The following MMP16 variants were observed in gnomAD, a reference collection of about 807,000 sequenced individuals.
MMP16 encodes matrix metalloproteinase-16.
Under a neutral mutation model 67.8 loss-of-function variants are expected in MMP16, and 12 were observed. The ratio of observed to expected loss-of-function variants is 0.18; its 90% CI spans 0.11 to 0.29. MMP16 has a LOEUF of 0.29. Among genes scored for constraint, MMP16 ranks in the 10% least tolerant of loss-of-function variants. MMP16 has a pLI of 1.00. For synonymous variants in MMP16, 249 were observed against 255.9 expected, an observed-to-expected ratio of 0.97 and a Z score of 0.26; for missense variants, 475 against 765.7, an observed-to-expected ratio of 0.62 and a Z score of 4.48.
intron 7 of MMP16, among the ~76,000 whole-genome samples, chr8:88,061,309 A>G (rs1486463709): frequency 2.0e-5 from 3 of 152,038 alleles, no homozygotes; most frequent in African/African-American, 7.2e-5. Flanking sequence ...ACAATAGAAG[A>G]AAGAGAAAGA....
At chr8:88,112,974 C>T (rs1243546276) in intron 6 of MMP16, among the ~76,000 whole-genome samples, 2 of 151,862 alleles carry the variant, frequency 1.3e-5, no homozygotes, top group Admixed American at 1.3e-4. Flanking sequence ...TCATTGAAAT[C>T]TTTGGGCAAG....
intron 1 of MMP16, among the ~76,000 whole-genome samples, chr8:88,218,652 T>G (rs557434191): frequency 1.4e-4 from 22 of 151,968 alleles, no homozygotes; most frequent in African/African-American, 5.3e-4. Context: ...AAAAATGAAA[T>G]AAACATTGGC....
At chr8:88,272,621 C>G (rs1810581532) in intron 1 of MMP16, among the ~76,000 whole-genome samples, 1 of 152,236 alleles carries the variant, frequency 6.6e-6, no homozygotes, top group African/African-American at 2.4e-5. Context: ...TAAATGTGAT[C>G]ACATAACTAG....
Position 88,116,676 on chromosome 8 carries a change from G to A in MMP16, c.914C>T (p.Thr305Ile). 1 of 1,613,776 alleles carries A rather than the reference G, an allele frequency of 6.2e-7. No individual in the cohort carries two copies. The highest frequency in any genetic ancestry group is 8.5e-7 in the Non-Finnish European group (1 of 1,179,844). ...AGGAATAGAGCGGTGTGGGGGCACT[G>A]TCGGTAGAGGTCTTGTAGGTGGAGG... ...KIPPPTRPLP[T>I]VPPHRSIPPA... Residue 305 changes from threonine to isoleucine, a missense_variant, in exon 6 of 10, where the codon ACA becomes ATA. Thr to Ile is a moderately conservative substitution (Grantham distance 89). Transcript: ENST00000286614.
At chr8:88,186,349 T>C (rs1015456595) in intron 3 of MMP16, 127 bp downstream of exon 3, 3 of 1,258,702 alleles carry the variant, frequency 2.4e-6, no homozygotes, top group Non-Finnish European at 3.3e-6. Context: ...ATTTTAAATC[T>C]CTTATGTTAA....
intron 6 of MMP16, among the ~76,000 whole-genome samples, chr8:88,106,460 A>G (rs1809243478): frequency 1.3e-5 from 2 of 151,274 alleles, no homozygotes; most frequent in Admixed American, 6.6e-5. Context: ...AAATGCTGAA[A>G]TGACTGTTTA....
chr8:88,178,324 G>C (rs1018804834), intron 3 of MMP16, among the ~76,000 whole-genome samples: 1 of 152,058 alleles, frequency 6.6e-6, no homozygotes, highest in Non-Finnish European at 1.5e-5. Context: ...GAAAAAAGTA[G>C]ACAACATAAA....
chr8:88,039,709 T>C lies in MMP16; in HGVS notation c.*1752A>G, dbSNP rs748983440. The C allele has an allele frequency of 1.3e-5, 2 of 152,658 alleles. No individual in the cohort carries two copies. The highest frequency in any genetic ancestry group is 2.9e-5 in the Non-Finnish European group (2 of 68,046). 9.5% of individuals were successfully genotyped at this position (152,658 alleles called of 1,614,324 possible). ...TCTGACTCATGGGGTGCATTCATTC[T>C]GACCATCTCTAATAAGTTCACAGCC... On this transcript the variant is annotated 3_prime_UTR_variant, in exon 10 of 10. Coordinates refer to ENST00000286614, the MANE Select transcript of MMP16 (RefSeq NM_005941.5). The surrounding 1 kb of genome is among the most constrained non-coding windows in gnomAD (Gnocchi z 4.5).
intron 4 of MMP16, among the ~76,000 whole-genome samples, chr8:88,128,547 T>C (rs1807973765): frequency 6.6e-6 from 1 of 151,716 alleles, no homozygotes; most frequent in South Asian, 2.1e-4. Flanking sequence ...CAGATGTACA[T>C]ATTATCGCAG....
chr8:88,135,565 C>T (rs1040128470), intron 4 of MMP16, among the ~76,000 whole-genome samples: 1 of 151,624 alleles, frequency 6.6e-6, no homozygotes, highest in African/African-American at 2.4e-5. Flanking sequence ...ATCAAAATGC[C>T]TGTGTAAGAA....
At chr8:88,180,651 G>C (rs1162141651) in intron 3 of MMP16, among the ~76,000 whole-genome samples, 1 of 150,932 alleles carries the variant, frequency 6.6e-6, no homozygotes, top group Non-Finnish European at 1.5e-5. Context: ...TGATAGAACT[G>C]CAAAAAAAAA....
chr8:88,137,312 C>G (rs149506460), intron 4 of MMP16, among the ~76,000 whole-genome samples: 12 of 151,886 alleles, frequency 7.9e-5, no homozygotes, highest in South Asian at 2.1e-4. Flanking sequence ...ACTCCTCCCC[C>G]CCAAAACCCA....
At position 88,327,307 on chromosome 8, in the gene MMP16, T is replaced by C; in HGVS notation, c.-101A>G. On this transcript the variant is annotated 5_prime_UTR_variant, in exon 1 of 10. Transcript: ENST00000286614. ...TCCTTTCAAAAAAAAGTCCTCCGGG[T>C]GGGTAAGGAGCCTGCAGGTTCACCC... The C allele has an allele frequency of 6.6e-7, 1 of 1,519,526 alleles. No individual in the cohort carries two copies. Among genetic ancestry groups the C allele is most frequent in the African/African-American group, 1.4e-5 (1 of 72,458 alleles). 94.1% of individuals were successfully genotyped at this position (1,519,526 alleles called of 1,614,324 possible).
Position 88,325,148 on chromosome 8 carries a change from A to T in MMP16, c.132+1927T>A, listed in dbSNP as rs184835528. Among the ~76,000 whole-genome samples the T allele has an allele frequency of 2.0e-5, 3 of 152,310 alleles. No individual in the cohort carries two copies. In the East Asian group the frequency reaches 5.8e-4, roughly 29 times the overall value. The stretch of plus-strand genomic sequence containing the variant: ...CTCCATAAACCATTTTTCCCCACAC[A>T]TCTTAATGAAGAAAGAGAAGGGGTC... On this transcript the variant is annotated intron_variant, in intron 1 of 9. Transcript: ENST00000286614.
intron 4 of MMP16, among the ~76,000 whole-genome samples, chr8:88,156,037 A>G (rs956607624): frequency 6.6e-6 from 1 of 152,172 alleles, no homozygotes; most frequent in Non-Finnish European, 1.5e-5. Context: ...TGAGTTAAAT[A>G]CACAAAATTA....
At chr8:88,094,178 T>C (rs187388843) in intron 6 of MMP16, among the ~76,000 whole-genome samples, 2 of 151,936 alleles carry the variant, frequency 1.3e-5, no homozygotes, top group East Asian at 1.9e-4. Flanking sequence ...TTTCTTTTTT[T>C]CCAAACATGC....
intron 1 of MMP16, among the ~76,000 whole-genome samples, chr8:88,242,301 G>C (rs987395908): frequency 6.6e-6 from 1 of 151,802 alleles, no homozygotes; most frequent in African/African-American, 2.4e-5. Context: ...TTTTACCTTT[G>C]TTTCCTAACA....
chr8:88,155,636 T>C (rs2129661250), intron 4 of MMP16, among the ~76,000 whole-genome samples: 1 of 152,258 alleles, frequency 6.6e-6, no homozygotes, highest in East Asian at 1.9e-4. Context: ...ATCTTCAATA[T>C]CTATTCTTTA....
chr8:88,066,652 A>C (rs1158593259), intron 7 of MMP16, among the ~76,000 whole-genome samples: 1 of 152,080 alleles, frequency 6.6e-6, no homozygotes, highest in East Asian at 1.9e-4. Context: ...AACAGCAAGC[A>C]ACTTAATCAG....
Sources: gnomAD v4.1 joint callset for allele counts (sites outside exome capture counted in the v4.1 genomes callset) on GRCh38, gnomAD v4.1.1 for gene constraint, Gnocchi (gnomAD v3.1) non-coding constraint, MANE v1.5 for transcripts, NCBI Gene and HGNC (gene_info 2026-07-23, HGNC 2026-07-21) for gene names.